The following ADAM9 variants were observed in gnomAD, a reference collection of about 807,000 sequenced individuals.
ADAM9 encodes disintegrin and metalloproteinase domain-containing protein 9.
In ADAM9, 54 loss-of-function variants were observed where a neutral mutation model predicts 108.1. The ratio of observed to expected loss-of-function variants is 0.50; its 90% CI spans 0.40 to 0.63. The LOEUF (loss-of-function observed/expected upper bound fraction) is 0.63, where lower values mean the gene tolerates loss of function less well. Among genes scored for constraint, ADAM9 ranks in the 20% least tolerant of loss-of-function variants. ADAM9 has a pLI of 0.00. For missense variants in ADAM9, 830 were observed against 997.7 expected, an observed-to-expected ratio of 0.83 and a Z score of 2.26; for synonymous variants, 316 against 336.0, an observed-to-expected ratio of 0.94 and a Z score of 0.65.
chr8:39,034,320 A>G (rs1213616122), intron 11 of ADAM9, among the ~76,000 whole-genome samples: 2 of 152,152 alleles, frequency 1.3e-5, no homozygotes, highest in Admixed American at 6.5e-5. Flanking sequence ...TATCATGTCT[A>G]CTATTAAATC....
rs1392387890 is a variant in ADAM9, at chr8:39,090,291, G to A, written c.2210+103G>A. On this transcript the variant is annotated intron_variant, in intron 19 of 21. Coordinates refer to ENST00000487273, the MANE Select transcript of ADAM9 (RefSeq NM_003816.3). ...GGCTCAGGTGATTCCCCCTGCCTCA[G>A]CCTTCCAAGTAGTTGGGATTACAGG... is the stretch of plus-strand genomic sequence containing the variant. 4.0e-6 allele frequency: 4 copies of A among 998,690 alleles called. No individual in the cohort carries two copies. In the African/African-American group the frequency reaches 4.9e-5, roughly 12 times the overall value. 61.9% of individuals were successfully genotyped at this position (998,690 alleles called of 1,614,324 possible). A position where few individuals can be genotyped will look rare whatever the true frequency, so the allele number is the denominator to read the frequency against.
At chr8:39,054,605 A>T in intron 13 of ADAM9, 32 bp downstream of exon 13, 1 of 1,246,170 alleles carries the variant, frequency 8.0e-7, no homozygotes, top group Non-Finnish European at 1.1e-6. Flanking sequence ...GAAACAGGAA[A>T]AAAAAAAAAA....
chr8:39,098,213 T>A (rs1396713008), intron 20 of ADAM9, among the ~76,000 whole-genome samples: 1 of 152,232 alleles, frequency 6.6e-6, no homozygotes, highest in African/African-American at 2.4e-5. Context: ...ATGATATCTT[T>A]TCCATGTGGC....
At chr8:39,060,838 G>A (rs1294377245) in intron 14 of ADAM9, among the ~76,000 whole-genome samples, 1 of 152,240 alleles carries the variant, frequency 6.6e-6, no homozygotes, top group Non-Finnish European at 1.5e-5. Flanking sequence ...GACAGTGAAG[G>A]TGTATTGCTG....
intron 14 of ADAM9, among the ~76,000 whole-genome samples, chr8:39,058,928 G>A (rs892977110): frequency 6.6e-6 from 1 of 152,194 alleles, no homozygotes; most frequent in Non-Finnish European, 1.5e-5. Flanking sequence ...CTGATTGAGA[G>A]CATATACAGC....
At chr8:39,082,756 G>T (rs762762079) in intron 17 of ADAM9, 35 bp downstream of exon 17, 2 of 1,567,692 alleles carry the variant, frequency 1.3e-6, no homozygotes, top group African/African-American at 2.7e-5. Context: ...GTTCCTGAAA[G>T]TAGTGCTAAA....
At chr8:39,046,959 G>A (rs1158586968) in intron 12 of ADAM9, among the ~76,000 whole-genome samples, 1 of 152,032 alleles carries the variant, frequency 6.6e-6, no homozygotes, top group Admixed American at 6.6e-5. Flanking sequence ...TGTAGAGAAG[G>A]GGTTTTGCTA....
In ADAM9 at chr8:39,026,708, C is replaced by T. The variant is rs1186085450; in HGVS notation, c.1028C>T (p.Ser343Phe). 14 of 1,614,034 alleles carry T rather than the reference C, an allele frequency of 8.7e-6. No individual in the cohort carries two copies. Among genetic ancestry groups the T allele is most frequent in the Non-Finnish European group, 1.2e-5 (14 of 1,180,022 alleles). Residue 343 changes from serine to phenylalanine, a missense_variant, in exon 11 of 22, where the codon TCC (serine) becomes TTC (phenylalanine). Coordinates refer to ENST00000487273, the MANE Select transcript of ADAM9 (RefSeq NM_003816.3). ...FGQITVETFASIVAHELGHNL... is the reference protein window; with the variant it reads ...FGQITVETFAFIVAHELGHNL... ...CAAATCACTGTGGAGACATTTGCTT[C>T]CATTGTTGCTCATGAATTGGGTCAT...
At chr8:39,101,749 A>C (rs1839701382) in intron 20 of ADAM9, 114 bp from the exon 21 acceptor site, 1 of 875,082 alleles carries the variant, frequency 1.1e-6, no homozygotes. Context: ...ATTTCTGATA[A>C]GGAATATTCA....
In ADAM9 at chr8:39,042,135, C is replaced by CT; in HGVS notation, c.1302+22dup. The CT allele has an allele frequency of 6.2e-7, 1 of 1,613,846 alleles. No homozygotes were observed. Among genetic ancestry groups the CT allele is most frequent in the Non-Finnish European group, 8.5e-7 (1 of 1,179,764 alleles). On this transcript the variant is annotated intron_variant, in intron 12 of 21. Coordinates refer to ENST00000487273, the MANE Select transcript of ADAM9 (RefSeq NM_003816.3). ...CTCCAAAGGTCAGTTTAATTTTTGA[C>CT]TTTTGCCTTGTAAAATTGCCATGAT...
intron 20 of ADAM9, 73 bp downstream of exon 20, chr8:39,091,419 T>C: frequency 7.8e-7 from 1 of 1,285,906 alleles, no homozygotes; most frequent in Non-Finnish European, 1.1e-6. Context: ...AAAAACACAG[T>C]TATATAGCTA....
chr8:39,067,052 A>T (rs1006582679), intron 14 of ADAM9, among the ~76,000 whole-genome samples: 1 of 152,194 alleles, frequency 6.6e-6, no homozygotes, highest in African/African-American at 2.4e-5. Flanking sequence ...TTCAAAGATC[A>T]GATGGTTGTA....
At chr8:39,045,385 G>GGTGCGTGTGTACACACCTATATGTGC (rs1554579181) in intron 12 of ADAM9, among the ~76,000 whole-genome samples, 2 of 15,950 alleles carry the variant, frequency 1.3e-4, no homozygotes, top group African/African-American at 4.8e-4. Context: ...TACACCTATA[G>GGTGCGTGTGTACACACCTATATGTGC]GTGTGTGTAC....
At chr8:39,102,881 C>T (rs1839744165) in intron 21 of ADAM9, among the ~76,000 whole-genome samples, 1 of 152,210 alleles carries the variant, frequency 6.6e-6, no homozygotes, top group Non-Finnish European at 1.5e-5. Flanking sequence ...CATTTTGTAT[C>T]ACATAAAATG....
At chr8:39,074,657 C>T (rs1268100674) in intron 15 of ADAM9, among the ~76,000 whole-genome samples, 3 of 151,778 alleles carry the variant, frequency 2.0e-5, no homozygotes, top group South Asian at 2.1e-4. Flanking sequence ...CTTTTATAGC[C>T]GGCATTTTCC....
intron 10 of ADAM9, among the ~76,000 whole-genome samples, 186 bp from the exon 11 acceptor site, chr8:39,026,491 C>T (rs954972104): frequency 3.9e-5 from 6 of 152,212 alleles, no homozygotes; most frequent in Non-Finnish European, 7.3e-5. Context: ...ATGTCCATCA[C>T]GTGTGTGATT....
rs780833500 is a variant in ADAM9 at position 39,011,625 on chromosome 8, A to T, written c.196-33A>T. ...TTGTTGAAAAGTAATTTTTAAGATG[A>T]TGTTTTATTCTTTTCCCCTTCTGTG... On this transcript the variant is annotated intron_variant, in intron 2 of 21. Coordinates refer to ENST00000487273, the MANE Select transcript of ADAM9 (RefSeq NM_003816.3). 12 of 1,570,976 alleles carry T rather than the reference A, an allele frequency of 7.6e-6. No individual in the cohort carries two copies. In the East Asian group the frequency reaches 2.0e-4, roughly 26 times the overall value.
chr8:39,021,737 C>A (rs926214351), intron 8 of ADAM9, 23 bp downstream of exon 8: 1 of 1,588,930 alleles, frequency 6.3e-7, no homozygotes, highest in African/African-American at 1.3e-5. Context: ...TTCTATCAAC[C>A]AGGATGATTC....
intron 14 of ADAM9, among the ~76,000 whole-genome samples, chr8:39,070,806 A>G (rs115112162): frequency 6.6e-6 from 1 of 151,842 alleles, no homozygotes; most frequent in Non-Finnish European, 1.5e-5. Flanking sequence ...TTACTTTGTC[A>G]TCTGTCGTCA....
Sources: allele counts gnomAD v4.1 joint callset (sites outside exome capture counted in the v4.1 genomes callset), GRCh38; gene constraint gnomAD v4.1.1; transcripts MANE v1.5; gene names NCBI Gene and HGNC (gene_info 2026-07-23, HGNC 2026-07-21).